Variants in SLC43A2 observed in about 807,000 individuals in gnomAD.
SLC43A2 encodes the protein large neutral amino acids transporter small subunit 4.
In SLC43A2, 38 loss-of-function variants were observed where a neutral mutation model predicts 63.2. The ratio of observed to expected loss-of-function variants is 0.60; its 90% CI spans 0.46 to 0.79. The LOEUF is 0.79. Among genes scored for constraint, SLC43A2 ranks in the 30% least tolerant of loss-of-function variants. The pLI is 0.00. For synonymous variants in SLC43A2, 322 were observed against 331.0 expected, an observed-to-expected ratio of 0.97 and a Z score of 0.30; for missense variants, 644 against 756.2, an observed-to-expected ratio of 0.85 and a Z score of 1.74.
At chr17:1,613,596 G>A (rs922111833) in intron 4 of SLC43A2, among the ~76,000 whole-genome samples, 10 of 152,182 alleles carry the variant, frequency 6.6e-5, no homozygotes, top group African/African-American at 2.4e-4. Flanking sequence ...GGGATTACAG[G>A]CATGCGCCAC....
intron 11 of SLC43A2, among the ~76,000 whole-genome samples, chr17:1,582,291 G>T (rs1446001607): frequency 6.6e-6 from 1 of 152,118 alleles, no homozygotes; most frequent in East Asian, 1.9e-4. Context: ...AGTCGCCCAG[G>T]CTGGTCTCAA....
chr17:1,586,074 A>G, intron 9 of SLC43A2, 23 bp from the exon 10 acceptor site: 1 of 1,558,696 alleles, frequency 6.4e-7, no homozygotes, highest in Non-Finnish European at 8.7e-7. Flanking sequence ...GCGCTGCGTC[A>G]TGGGGACGCC....
chr17:1,591,661 G>A lies in SLC43A2; in HGVS notation c.633C>T (p.Leu211=), dbSNP rs563211459. ...GCCCGGAGCAGCCGGCCCAGACCAC[G>A]AGGACGACGATGAAGGAGACACCAG... is the stretch of plus-strand genomic sequence containing the variant. ...YDAGVSFIVV[L]VVWAGCSGLV... Residue 211 remains leucine, a synonymous_variant, in exon 7 of 14, where the codon CTC becomes CTT. Transcript: ENST00000301335. 2.6e-5 allele frequency: 40 copies of A among 1,530,890 alleles called. No homozygotes were observed. In the South Asian group the frequency reaches 2.9e-4, roughly 11 times the overall value. 94.8% of individuals were successfully genotyped at this position (1,530,890 alleles called of 1,614,324 possible).
chr17:1,615,788 A>G (rs1907588395), intron 3 of SLC43A2, among the ~76,000 whole-genome samples: 1 of 149,152 alleles, frequency 6.7e-6, no homozygotes, highest in Admixed American at 6.7e-5. Flanking sequence ...GCTCGCAGTG[A>G]GCCGAGATCG....
chr17:1,615,132 G>C (rs1907477721), intron 3 of SLC43A2, 98 bp from the exon 4 acceptor site: 2 of 1,450,298 alleles, frequency 1.4e-6, no homozygotes, highest in East Asian at 2.5e-5. Flanking sequence ...TCTTGAGACA[G>C]AGCCTTGCTC....
chr17:1,599,148 G>C (rs1374125087), intron 5 of SLC43A2, among the ~76,000 whole-genome samples: 2 of 151,956 alleles, frequency 1.3e-5, no homozygotes, highest in Non-Finnish European at 2.9e-5. Flanking sequence ...AGACCATCCT[G>C]GCCAACATGG....
At position 1,606,226 on chromosome 17, in the gene SLC43A2, C is replaced by T. The variant is rs915659228; in HGVS notation, c.501+6969G>A. ...CGTGGGACCCTCTCCTGGCTGCAGA[C>T]GCGGGGTCTACTGAGCCACGGCACT... On this transcript the variant is annotated intron_variant, in intron 5 of 13. Coordinates refer to ENST00000301335, the MANE Select transcript of SLC43A2 (RefSeq NM_152346.3). This position sits in a 1 kb window ranked among gnomAD's most constrained non-coding sequence, Gnocchi z 4.7. 4.6e-5 allele frequency among the ~76,000 whole-genome samples: 7 copies of T among 152,270 alleles called. No individual in the cohort carries two copies. Among genetic ancestry groups the T allele is most frequent in the Non-Finnish European group, 7.4e-5 (5 of 68,016 alleles).
intron 10 of SLC43A2, 139 bp downstream of exon 10, chr17:1,585,774 C>T: frequency 6.3e-7 from 1 of 1,595,842 alleles, no homozygotes; most frequent in South Asian, 1.1e-5. Flanking sequence ...ATGAGTGAGT[C>T]TCTCTAAGGG....
In SLC43A2 at chr17:1,576,447, A is replaced by G. The variant is rs6502794; in HGVS notation, c.1548+150T>C. On this transcript the variant is annotated intron_variant, in intron 13 of 13. Transcript: ENST00000301335. Reference sequence around the variant, plus strand: ...AGAGGACATGTTCCTTTTCCTGCCTAGCCACCATTCACAAAGGGACTCTTA... The same window carrying G: ...AGAGGACATGTTCCTTTTCCTGCCTGGCCACCATTCACAAAGGGACTCTTA... The G allele has an allele frequency of 0.51, 409,785 of 808,552 alleles. 108,538 individuals are homozygous for G. The highest frequency in any genetic ancestry group is 0.63 in the African/African-American group (36,478 of 57,780). The allele number at this position is 808,552 out of a possible 1,614,324, so 50.1% of individuals were successfully genotyped here.
rs11321695 is a variant in SLC43A2, at chr17:1,580,728, ATTT to A, written c.1351-2408_1351-2406del. 1.7e-4 allele frequency among the ~76,000 whole-genome samples: 22 copies of A among 126,378 alleles called. 1 individual carries two copies. The highest frequency in any genetic ancestry group is 1.7e-4 in the Non-Finnish European group (10 of 60,566). 82.9% of individuals were successfully genotyped at this position (126,378 alleles called of 152,430 possible). A position where few individuals can be genotyped will look rare whatever the true frequency, so the allele number is the denominator to read the frequency against. On this transcript the variant is annotated intron_variant, in intron 11 of 13. Coordinates refer to ENST00000301335, the MANE Select transcript of SLC43A2 (RefSeq NM_152346.3). ...AGGCATGTGCCACCAGGCCCGGCTA[ATTT>A]TTTTTTTTTTTTTTTTGAGACAAGG...
Position 1,583,470 on chromosome 17 carries a change from G to A in SLC43A2, c.1218-134C>T. The A allele has an allele frequency of 6.8e-7, 1 of 1,460,578 alleles. No homozygotes were observed. 90.5% of individuals were successfully genotyped at this position (1,460,578 alleles called of 1,614,324 possible). ...AGAAGCCACCCAGGCACGTTTTAGG[G>A]ACTGTGTCGGGGCTGGACCAGCACT... On this transcript the variant is annotated intron_variant, in intron 10 of 13. Transcript: ENST00000301335. The surrounding 1 kb of genome is among the most constrained non-coding windows in gnomAD (Gnocchi z 5.5).
At chr17:1,623,888 C>T (rs991805550) in intron 2 of SLC43A2, among the ~76,000 whole-genome samples, 1 of 152,066 alleles carries the variant, frequency 6.6e-6, no homozygotes, top group African/African-American at 2.4e-5. Flanking sequence ...CAGGGTGTAC[C>T]CTCCTCTCCT....
chr17:1,628,992 GAGA>G (rs1908953287), upstream of SLC43A2: 1 of 151,444 alleles, frequency 6.6e-6, no homozygotes, highest in Admixed American at 6.6e-5. Flanking sequence ...GCCGGACTCG[GAGA>G]CAAACAAGAG....
chr17:1,591,804 T>G, intron 6 of SLC43A2, 105 bp from the exon 7 acceptor site: 11 of 844,144 alleles, frequency 1.3e-5, no homozygotes, highest in South Asian at 1.7e-5. Flanking sequence ...CTGCTGTCCC[T>G]GTGCTGAGCC....
chr17:1,591,735 G>GGGGGC, intron 6 of SLC43A2, 36 bp from the exon 7 acceptor site: 5 of 652,926 alleles, frequency 7.7e-6, no homozygotes, highest in Admixed American at 2.5e-5. Context: ...GGGGGGGGGA[G>GGGGGC]GGGGCAGAGT....
At chr17:1,607,783 T>C (rs976335557) in intron 5 of SLC43A2, among the ~76,000 whole-genome samples, 8 of 151,912 alleles carry the variant, frequency 5.3e-5, no homozygotes, top group African/African-American at 1.9e-4. Flanking sequence ...TGGCACAATC[T>C]CAGCTCACTG....
At position 1,623,391 on chromosome 17, in the gene SLC43A2, T is replaced by C. The variant is rs79539215; in HGVS notation, c.160+4324A>G. On this transcript the variant is annotated intron_variant, in intron 2 of 13. Transcript: ENST00000301335. Reference sequence around the variant, plus strand: ...TGCCCATGGTCAGACTGTGGGTGACTTCCTCAGGCAGAGGCCGTGATGACT... The same window carrying C: ...TGCCCATGGTCAGACTGTGGGTGACCTCCTCAGGCAGAGGCCGTGATGACT... Among the ~76,000 whole-genome samples, 737 of 152,272 alleles carry C rather than the reference T, an allele frequency of 4.8e-3. 7 individuals carry two copies. Among genetic ancestry groups the C allele is most frequent in the African/African-American group, 0.017 (704 of 41,538 alleles).
intron 2 of SLC43A2, among the ~76,000 whole-genome samples, chr17:1,626,084 A>C (rs538147129): frequency 2.0e-4 from 31 of 151,606 alleles, no homozygotes; most frequent in African/African-American, 4.1e-4. Context: ...TTAAAAAAAA[A>C]ACACACAAAA....
intron 3 of SLC43A2, among the ~76,000 whole-genome samples, chr17:1,615,712 A>T (rs9709111): frequency 4.8e-5 from 7 of 146,476 alleles, no homozygotes; most frequent in African/African-American, 1.7e-4. Flanking sequence ...GCGTGGTGGC[A>T]GGCGCCTGTG....
Sources: gnomAD v4.1 joint callset for allele counts (sites outside exome capture counted in the v4.1 genomes callset) on GRCh38, gnomAD v4.1.1 for gene constraint, Gnocchi (gnomAD v3.1) non-coding constraint, MANE v1.5 for transcripts, NCBI Gene and HGNC (gene_info 2026-07-23, HGNC 2026-07-21) for gene names.